TSPAN15: variants seen among roughly 807,000 people sequenced by gnomAD.
TSPAN15 encodes the protein tetraspanin 15.
TSPAN15 carries 20 observed loss-of-function variants against 34.5 expected under a neutral mutation model. The observed-to-expected ratio is 0.58, with a 90% confidence interval of 0.41 to 0.84. The LOEUF (loss-of-function observed/expected upper bound fraction) is 0.84, where lower values mean the gene tolerates loss of function less well. TSPAN15 is among the 40% of genes least tolerant of loss of function. TSPAN15 has a pLI of 0.00. For missense variants in TSPAN15, 313 were observed against 386.1 expected (o/e 0.81, Z 1.59); for synonymous variants, 155 against 153.9 (o/e 1.01, Z -0.05).
the TSPAN15 span, among the ~76,000 whole-genome samples, chr10:69,528,407 T>G: frequency 7.4e-5 from 11 of 148,298 alleles, 2 homozygotes; most frequent in African/African-American, 2.7e-4. Flanking sequence ...CACAACATGG[T>G]GGGCAAGGGG....
At chr10:69,483,599 C>T in intron 1 of TSPAN15, 92 bp from the exon 2 acceptor site, 3 of 1,393,440 alleles carry the variant, frequency 2.2e-6, no homozygotes, top group Non-Finnish European at 2.9e-6. Flanking sequence ...GCAAGCCTCC[C>T]CCACAGCAGG....
At chr10:69,466,339 A>G (rs1309594093) in intron 1 of TSPAN15, among the ~76,000 whole-genome samples, 1 of 152,100 alleles carries the variant, frequency 6.6e-6, no homozygotes, top group Non-Finnish European at 1.5e-5. Context: ...TCTCAGCCTC[A>G]GATTCCCGTC....
chr10:69,541,952 T>C, the TSPAN15 span, among the ~76,000 whole-genome samples: 244 of 152,368 alleles, frequency 1.6e-3, 3 homozygotes, highest in Middle Eastern at 0.01. Flanking sequence ...GTCTTGGTGA[T>C]TAACATTCGG....
At chr10:69,480,544 T>G (rs994353353) in intron 1 of TSPAN15, among the ~76,000 whole-genome samples, 1 of 152,308 alleles carries the variant, frequency 6.6e-6, no homozygotes, top group Admixed American at 6.5e-5. Flanking sequence ...CTCTGAAAAC[T>G]TCCATGCTCT....
intron 5 of TSPAN15, among the ~76,000 whole-genome samples, chr10:69,502,429 C>T (rs1039322330): frequency 3.9e-5 from 6 of 152,326 alleles, no homozygotes; most frequent in Middle Eastern, 6.8e-3. Context: ...GCCCCTCTCC[C>T]TGTCCCCATT....
the TSPAN15 span, among the ~76,000 whole-genome samples, chr10:69,540,227 C>CA: frequency 1.2e-4 from 19 of 152,140 alleles, no homozygotes; most frequent in South Asian, 1.7e-3. Context: ...CCCATCTCTA[C>CA]AAAAAACATT....
the TSPAN15 span, among the ~76,000 whole-genome samples, chr10:69,534,412 T>C: frequency 1.3e-5 from 2 of 152,216 alleles, no homozygotes; most frequent in Non-Finnish European, 2.9e-5. Flanking sequence ...GTAATGGTTA[T>C]ATGATCTGAT....
the TSPAN15 span, among the ~76,000 whole-genome samples, chr10:69,513,994 G>A: frequency 6.6e-6 from 1 of 152,228 alleles, no homozygotes; most frequent in Non-Finnish European, 1.5e-5. Flanking sequence ...TAGGGGGAAA[G>A]TGTTCAGTCT....
At chr10:69,478,698 C>T (rs1337023703) in intron 1 of TSPAN15, among the ~76,000 whole-genome samples, 1 of 152,172 alleles carries the variant, frequency 6.6e-6, no homozygotes, top group Non-Finnish European at 1.5e-5. Flanking sequence ...AAACGAAATA[C>T]ACACGGATAC....
intron 5 of TSPAN15, 128 bp from the exon 6 acceptor site, chr10:69,504,310 C>T: frequency 1.3e-6 from 1 of 782,974 alleles, no homozygotes; most frequent in South Asian, 2.1e-5. Flanking sequence ...GGGTCGGAAT[C>T]TCAGCTCCAT....
intron 1 of TSPAN15, among the ~76,000 whole-genome samples, chr10:69,457,574 T>C (rs1220146367): frequency 6.6e-6 from 1 of 152,116 alleles, no homozygotes; most frequent in East Asian, 1.9e-4. Flanking sequence ...GGGTAGGTGG[T>C]GGAGGCAGCA....
the TSPAN15 span, among the ~76,000 whole-genome samples, chr10:69,539,772 C>A: frequency 6.6e-6 from 1 of 152,014 alleles, no homozygotes; most frequent in African/African-American, 2.4e-5. Flanking sequence ...ACCTCAAGAC[C>A]AATACAGCTG....
the TSPAN15 span, among the ~76,000 whole-genome samples, chr10:69,530,820 CTATA>C: frequency 0.044 from 1,328 of 30,278 alleles, 24 homozygotes; most frequent in Non-Finnish European, 0.048. Context: ...CTCTCTCTCT[CTATA>C]TATATATATA....
chr10:69,537,760 G>T, the TSPAN15 span, among the ~76,000 whole-genome samples: 1 of 152,190 alleles, frequency 6.6e-6, no homozygotes, highest in African/African-American at 2.4e-5. Context: ...ACGTGATTCC[G>T]TCCCTAACAG....
At chr10:69,462,363 C>T (rs1333965806) in intron 1 of TSPAN15, among the ~76,000 whole-genome samples, 1 of 151,848 alleles carries the variant, frequency 6.6e-6, no homozygotes, top group Non-Finnish European at 1.5e-5. Context: ...GAGACGGAGT[C>T]TTGCTCTGTC....
At chr10:69,519,072 C>CCATGTATCTTGAG in the TSPAN15 span, among the ~76,000 whole-genome samples, 1 of 152,226 alleles carries the variant, frequency 6.6e-6, no homozygotes, top group African/African-American at 2.4e-5. Flanking sequence ...AACTAAAGTT[C>CCATGTATCTTGAG]CATGTATCCA....
At chr10:69,543,273 T>A in the TSPAN15 span, among the ~76,000 whole-genome samples, 2 of 152,190 alleles carry the variant, frequency 1.3e-5, no homozygotes, top group Non-Finnish European at 2.9e-5. Context: ...ACATCCTTCC[T>A]CCTGCCCCAG....
chr10:69,491,526 A>G (rs1006124580), intron 3 of TSPAN15, among the ~76,000 whole-genome samples: 1 of 15,274 alleles, frequency 6.5e-5, no homozygotes, highest in Non-Finnish European at 1.3e-4. Context: ...CCATGCCTGG[A>G]TAATTGTGTG....
chr10:69,530,818 CTCTATA>C, the TSPAN15 span, among the ~76,000 whole-genome samples: 194 of 42,510 alleles, frequency 4.6e-3, no homozygotes, highest in Middle Eastern at 0.011. Flanking sequence ...CTCTCTCTCT[CTCTATA>C]TATATATATA....
Sources: allele counts gnomAD v4.1 joint callset (sites outside exome capture counted in the v4.1 genomes callset), GRCh38; gene constraint gnomAD v4.1.1; transcripts MANE v1.5; gene names NCBI Gene and HGNC (gene_info 2026-07-23, HGNC 2026-07-21).